The following MAGI2 variants were observed in gnomAD, a reference collection of about 807,000 sequenced individuals.
MAGI2 encodes membrane associated guanylate kinase, WW and PDZ domain containing 2, also known as membrane-associated guanylate kinase, WW and PDZ domain-containing protein 2.
MAGI2 carries 35 observed loss-of-function variants against 133.3 expected under a neutral mutation model. That is an observed-to-expected ratio of 0.26 (90% CI 0.20 to 0.35). The LOEUF is 0.35. Among genes scored for constraint, MAGI2 ranks in the 10% least tolerant of loss-of-function variants. The pLI is 1.00. For synonymous variants in MAGI2, 729 were observed against 710.6 expected (o/e 1.03, Z -0.41); for missense variants, 1,636 against 1,863.4 (o/e 0.88, Z 2.25).
At chr7:79,225,142 G>T (rs1464487025) in intron 1 of MAGI2, among the ~76,000 whole-genome samples, 1 of 152,036 alleles carries the variant, frequency 6.6e-6, no homozygotes, top group Non-Finnish European at 1.5e-5. Context: ...TCCATGCTAG[G>T]CTGTGGGCTT....
intron 9 of MAGI2, among the ~76,000 whole-genome samples, chr7:78,320,841 T>C (rs1185644449): frequency 6.6e-6 from 1 of 152,164 alleles, no homozygotes; most frequent in Non-Finnish European, 1.5e-5. Context: ...TTGTCTCTTC[T>C]TGCAGATGAC....
At chr7:78,538,459 C>G (rs889017024) in intron 3 of MAGI2, among the ~76,000 whole-genome samples, 3 of 152,234 alleles carry the variant, frequency 2.0e-5, no homozygotes, top group African/African-American at 7.2e-5. Context: ...CATCAATGAG[C>G]ATGAGATGTG....
chr7:79,375,779 A>G (rs543648302), intron 1 of MAGI2, among the ~76,000 whole-genome samples: 6 of 152,064 alleles, frequency 3.9e-5, no homozygotes, highest in Admixed American at 6.6e-5. Context: ...CCAGTCTGAA[A>G]AATAGAGAGG....
chr7:78,986,318 A>C (rs1360137809), intron 2 of MAGI2, among the ~76,000 whole-genome samples: 2 of 152,054 alleles, frequency 1.3e-5, no homozygotes, highest in African/African-American at 4.8e-5. Context: ...TGTATTTAAG[A>C]ATCTATTTTT....
At chr7:78,677,135 A>G (rs893209887) in intron 2 of MAGI2, among the ~76,000 whole-genome samples, 44 of 152,052 alleles carry the variant, frequency 2.9e-4, no homozygotes, top group African/African-American at 1.0e-3. Context: ...GTTGAGGTCC[A>G]TTACATAGGG....
rs1792848344 is a variant in MAGI2 at position 78,485,126 on chromosome 7, CG to C, written c.1045+4634del. ...ATATCTCAGGAGGATCCCATATTACCGACTCTGAGAGGAGAAATATGATGGG... is the reference window on the plus strand; with the variant it reads ...ATATCTCAGGAGGATCCCATATTACCACTCTGAGAGGAGAAATATGATGGG... On this transcript the variant is annotated intron_variant, in intron 6 of 21. Transcript: ENST00000354212. The C allele has an allele frequency of 2.0e-5, 3 of 152,052 alleles. No individual in the cohort carries two copies. The South Asian group carries it at 6.2e-4, about 32-fold the overall frequency. 9.4% of individuals were successfully genotyped at this position (152,052 alleles called of 1,614,324 possible).
At chr7:79,448,185 A>C (rs1012878345) in intron 1 of MAGI2, among the ~76,000 whole-genome samples, 178 of 152,152 alleles carry the variant, frequency 1.2e-3, no homozygotes, top group African/African-American at 4.1e-3. Flanking sequence ...ATGTTTACAC[A>C]TAAAGGGAGG....
intron 9 of MAGI2, among the ~76,000 whole-genome samples, chr7:78,285,546 A>G (rs1796058212): frequency 6.6e-6 from 1 of 152,154 alleles, no homozygotes; most frequent in Non-Finnish European, 1.5e-5. Context: ...TGGTCATAAG[A>G]CTGTTAATGT....
At chr7:78,346,566 A>G (rs552334319) in intron 7 of MAGI2, among the ~76,000 whole-genome samples, 5 of 152,326 alleles carry the variant, frequency 3.3e-5, no homozygotes, top group Non-Finnish European at 7.3e-5. Context: ...GTTACAGAAT[A>G]CATATGTAGG....
intron 1 of MAGI2, among the ~76,000 whole-genome samples, chr7:79,295,373 C>T (rs9648980): frequency 0.57 from 86,910 of 151,786 alleles, 26,724 homozygotes; most frequent in Non-Finnish European, 0.68. Flanking sequence ...CAAAAAGTGA[C>T]TTCAGTATAA....
chr7:78,448,631 A>T (rs1325498691), intron 6 of MAGI2, among the ~76,000 whole-genome samples: 1 of 152,096 alleles, frequency 6.6e-6, no homozygotes, highest in Non-Finnish European at 1.5e-5. Context: ...CATTTCAAAA[A>T]ATTCTCTTGT....
intron 18 of MAGI2, 23 bp downstream of exon 18, chr7:78,132,866 A>G (rs766517071): frequency 6.2e-7 from 1 of 1,613,948 alleles, no homozygotes. Flanking sequence ...TCTCAGAATC[A>G]CAAAAGTCAG....
rs1394359430 is a variant in MAGI2, at chr7:78,019,868, G to T, written c.3815C>A (p.Pro1272Gln). Residue 1272 changes from proline (P) to glutamine (Q), a missense_variant, in exon 22 of 22, where the codon CCA becomes CAA. This residue lies in a region of MAGI2 where 354 missense variants were observed against 298.7 expected (regional missense o/e 1.19). Coordinates refer to ENST00000354212, the MANE Select transcript of MAGI2 (RefSeq NM_012301.4). Reference sequence around the variant, plus strand: ...TATCTGGTGGGAAGGGTCGGAGGGTGGGGCTGGATGTGATGGAGAGAATGG... The same window carrying T: ...TATCTGGTGGGAAGGGTCGGAGGGTTGGGCTGGATGTGATGGAGAGAATGG... Reference protein sequence around the residue: ...LAPFSPSHPAPPSDPSHQISP... With the variant: ...LAPFSPSHPAQPSDPSHQISP... The T allele has an allele frequency of 1.2e-6, 2 of 1,613,232 alleles. No homozygotes were observed. Among genetic ancestry groups the T allele is most frequent in the African/African-American group, 1.3e-5 (1 of 74,924 alleles).
chr7:79,132,519 C>T (rs1821024956), intron 1 of MAGI2, among the ~76,000 whole-genome samples: 1 of 152,122 alleles, frequency 6.6e-6, no homozygotes, highest in Admixed American at 6.5e-5. Context: ...ATACATACTA[C>T]ATTTTCTTTA....
At chr7:78,320,838 T>C (rs1018849825) in intron 9 of MAGI2, among the ~76,000 whole-genome samples, 1 of 152,176 alleles carries the variant, frequency 6.6e-6, no homozygotes, top group Non-Finnish European at 1.5e-5. Context: ...AAATTGTCTC[T>C]TCTTGCAGAT....
chr7:78,049,124 G>A (rs1019293536), intron 21 of MAGI2, among the ~76,000 whole-genome samples: 23 of 140,542 alleles, frequency 1.6e-4, no homozygotes, highest in African/African-American at 6.0e-4. Flanking sequence ...AAAAAAAAAA[G>A]ACTTCAAAAT....
intron 1 of MAGI2, among the ~76,000 whole-genome samples, chr7:79,147,235 T>C (rs1822734892): frequency 6.6e-6 from 1 of 152,196 alleles, no homozygotes; most frequent in Non-Finnish European, 1.5e-5. Flanking sequence ...AAATGTTACT[T>C]TTTAAAAAAG....
At chr7:78,670,024 C>T (rs1179935606) in intron 2 of MAGI2, among the ~76,000 whole-genome samples, 2 of 151,492 alleles carry the variant, frequency 1.3e-5, no homozygotes, top group East Asian at 3.9e-4. Context: ...GACAGGGATG[C>T]CCTCTCTCAC....
chr7:78,298,513 T>C (rs1236917657), intron 9 of MAGI2, among the ~76,000 whole-genome samples: 3 of 152,214 alleles, frequency 2.0e-5, no homozygotes, highest in Non-Finnish European at 4.4e-5. Flanking sequence ...TCCAAAACTG[T>C]TATTGTGTTT....
Sources: gnomAD v4.1 joint callset for allele counts (sites outside exome capture counted in the v4.1 genomes callset) on GRCh38, gnomAD v4.1.1 for gene constraint, gnomAD v4.1.1 regional missense constraint, MANE v1.5 for transcripts, NCBI Gene and HGNC (gene_info 2026-07-23, HGNC 2026-07-21) for gene names.